Variants in JADE3 observed in about 807,000 individuals in gnomAD.
JADE3 encodes the protein jade family PHD finger 3, also known as protein Jade-3.
Under a neutral mutation model 50.1 loss-of-function variants are expected in JADE3, and 2 were observed. The observed-to-expected ratio is 0.04, with a 90% CI of 0.02 to 0.13. The LOEUF (loss-of-function observed/expected upper bound fraction) is 0.13. Ranked by LOEUF, JADE3 falls within the 10% of genes least tolerant of loss-of-function variation. JADE3 has a pLI of 1.00. For missense variants in JADE3, 475 were observed against 634.4 expected (o/e 0.75, Z 2.70); for synonymous variants, 218 against 232.9 (o/e 0.94, Z 0.58).
chrX:47,018,333 C>T (rs1016699178), intron 4 of JADE3, among the ~76,000 whole-genome samples: 20 of 110,167 alleles, frequency 1.8e-4, no homozygotes, highest in African/African-American at 6.3e-4. Flanking sequence ...ATGTACAGAG[C>T]ACTTTCTTTT....
chrX:47,024,685 T>C, intron 4 of JADE3, 39 bp from the exon 5 acceptor site: 1 of 935,093 alleles, frequency 1.1e-6, no homozygotes, highest in Non-Finnish European at 1.5e-6. Context: ...AATCTGTCAT[T>C]TGTTGATTGT....
chrX:46,982,199 C>G (rs1472879239), intron 1 of JADE3, among the ~76,000 whole-genome samples: 1 of 110,958 alleles, frequency 9.0e-6, no homozygotes, highest in Non-Finnish European at 1.9e-5. Context: ...TCACTGTTGA[C>G]CTACTTCAAG....
In JADE3 at chrX:47,058,340, A is replaced by C. The variant is rs782139541; in HGVS notation, c.1735A>C (p.Met579Leu). 2.5e-6 allele frequency: 3 copies of C among 1,209,107 alleles called. No homozygotes were observed. In the East Asian group the frequency reaches 8.9e-5, roughly 36 times the overall value. Residue 579 changes from methionine to leucine, a missense_variant, in exon 11 of 11, where the codon ATG (methionine) becomes CTG (leucine). Coordinates refer to ENST00000614628, the MANE Select transcript of JADE3 (RefSeq NM_014735.5). Reference sequence around the variant, plus strand: ...CTCATCTGTTCACAGTATAAGGAACATGCAGGTGCCTCAGGAGTCACTAGA... The same window carrying C: ...CTCATCTGTTCACAGTATAAGGAACCTGCAGGTGCCTCAGGAGTCACTAGA... ...SSSSVHSIRNMQVPQESLEMR... is the reference protein window; with the variant it reads ...SSSSVHSIRNLQVPQESLEMR...
At chrX:47,008,127 C>G (rs1928478725) in intron 4 of JADE3, among the ~76,000 whole-genome samples, 1 of 111,468 alleles carries the variant, frequency 9.0e-6, no homozygotes, top group Non-Finnish European at 1.9e-5. Context: ...AAAGAAATAG[C>G]TAACCATGGG....
intron 4 of JADE3, among the ~76,000 whole-genome samples, chrX:47,012,624 T>C (rs1928585310): frequency 1.9e-5 from 2 of 107,207 alleles, no homozygotes; most frequent in African/African-American, 6.9e-5. Flanking sequence ...GTTTATCTGT[T>C]TTTTTTTTTG....
intron 1 of JADE3, among the ~76,000 whole-genome samples, chrX:46,915,826 A>G (rs1486663052): frequency 9.0e-6 from 1 of 111,337 alleles, no homozygotes; most frequent in Non-Finnish European, 1.9e-5. Flanking sequence ...AAGGAAGGTG[A>G]TAAGTCAGAA....
chrX:47,056,058 A>G, intron 9 of JADE3, 24 bp from the exon 10 acceptor site: 19 of 988,172 alleles, frequency 1.9e-5, no homozygotes, highest in Non-Finnish European at 2.6e-5. Context: ...AAACATCTCT[A>G]TTTGTTGGGG....
intron 1 of JADE3, among the ~76,000 whole-genome samples, chrX:46,948,595 T>C (rs1289632419): frequency 2.7e-5 from 3 of 112,028 alleles, no homozygotes; most frequent in Non-Finnish European, 3.8e-5. Flanking sequence ...AGGATAAAGA[T>C]AGTGTCAAAG....
chrX:47,011,106 A>G (rs1051485719), intron 4 of JADE3, among the ~76,000 whole-genome samples: 2 of 111,935 alleles, frequency 1.8e-5, no homozygotes, highest in East Asian at 2.8e-4. Flanking sequence ...CCTGTCTCCA[A>G]ATAAAGTCAC....
At chrX:47,057,465 G>A (rs782376416) in intron 10 of JADE3, among the ~76,000 whole-genome samples, 2 of 111,423 alleles carry the variant, frequency 1.8e-5, no homozygotes, top group East Asian at 2.8e-4. Context: ...ACTGATTGCC[G>A]ATACTCCCCA....
At chrX:47,042,682 T>A (rs1156770979) in intron 8 of JADE3, among the ~76,000 whole-genome samples, 1 of 111,867 alleles carries the variant, frequency 8.9e-6, no homozygotes, top group Non-Finnish European at 1.9e-5. Flanking sequence ...TCAGCCACAG[T>A]AGAAGAAAGC....
intron 1 of JADE3, among the ~76,000 whole-genome samples, chrX:46,952,764 G>A (rs782143321): frequency 1.1e-4 from 12 of 111,894 alleles, no homozygotes; most frequent in Non-Finnish European, 1.7e-4. Flanking sequence ...TTGGGAGGCC[G>A]AGGCGTATGG....
intron 10 of JADE3, among the ~76,000 whole-genome samples, chrX:47,057,192 C>T (rs1164073613): frequency 9.0e-6 from 1 of 111,374 alleles, no homozygotes; most frequent in Non-Finnish European, 1.9e-5. Context: ...CTTGCAGCAT[C>T]AGCAGGTGAC....
At chrX:47,027,241 T>C (rs1264204504) in intron 5 of JADE3, among the ~76,000 whole-genome samples, 2 of 112,340 alleles carry the variant, frequency 1.8e-5, no homozygotes, top group Non-Finnish European at 3.8e-5. Flanking sequence ...AAGAAGGTAA[T>C]TCCAGAATTG....
At chrX:47,003,576 T>C (rs1928334381) in intron 4 of JADE3, among the ~76,000 whole-genome samples, 1 of 103,072 alleles carries the variant, frequency 9.7e-6, no homozygotes, top group Non-Finnish European at 1.9e-5. Flanking sequence ...ACCTGTAGTC[T>C]TATATATATA....
At chrX:47,038,154 C>T (rs1175065908) in intron 7 of JADE3, among the ~76,000 whole-genome samples, 1 of 112,012 alleles carries the variant, frequency 8.9e-6, no homozygotes, top group Admixed American at 9.5e-5. Flanking sequence ...GAATAGTACT[C>T]CATTGTATAT....
chrX:46,924,597 A>G (rs782515595), intron 1 of JADE3, among the ~76,000 whole-genome samples: 1 of 111,702 alleles, frequency 9.0e-6, no homozygotes, highest in Non-Finnish European at 1.9e-5. Context: ...GTACATAGAA[A>G]CTCAGTACAG....
chrX:47,017,743 T>C (rs1431727326), intron 4 of JADE3, among the ~76,000 whole-genome samples: 1 of 111,821 alleles, frequency 8.9e-6, no homozygotes, highest in Non-Finnish European at 1.9e-5. Context: ...TATAGATAGG[T>C]CCCTATTTCC....
chrX:47,002,933 G>T (rs1438416369), intron 4 of JADE3, among the ~76,000 whole-genome samples: 1 of 110,914 alleles, frequency 9.0e-6, no homozygotes, highest in African/African-American at 3.3e-5. Context: ...TTAACTATAG[G>T]GTTTTTCATA....
Sources: allele counts gnomAD v4.1 joint callset (sites outside exome capture counted in the v4.1 genomes callset), GRCh38; gene constraint gnomAD v4.1.1; transcripts MANE v1.5; gene names NCBI Gene and HGNC (gene_info 2026-07-23, HGNC 2026-07-21).